ANKRD55: variants seen among roughly 807,000 people sequenced by gnomAD.
ANKRD55 encodes ankyrin repeat domain-containing protein 55.
In ANKRD55, 41 loss-of-function variants were observed where a neutral mutation model predicts 60.6. The observed-to-expected ratio is 0.68, with a 90% CI of 0.53 to 0.88. ANKRD55 has a LOEUF of 0.88. ANKRD55 is among the 40% of genes least tolerant of loss of function. The probability of loss-of-function intolerance (pLI) is 0.00; values close to 1 mark genes in which losing one functional copy is unlikely to be tolerated. For missense variants in ANKRD55, 732 were observed against 767.6 expected (o/e 0.95, Z 0.55); for synonymous variants, 264 against 290.3 (o/e 0.91, Z 0.92).
chr5:56,190,279 C>CT (rs778103627), intron 2 of ANKRD55, among the ~76,000 whole-genome samples: 2 of 152,072 alleles, frequency 1.3e-5, no homozygotes, highest in Non-Finnish European at 2.9e-5. Context: ...TGTGGGTTGC[C>CT]TTTTCATTCT....
intron 7 of ANKRD55, among the ~76,000 whole-genome samples, chr5:56,135,306 T>C: frequency 8.8e-5 from 1 of 11,336 alleles, no homozygotes. Context: ...TTTCTTTCTT[T>C]CTTTCTTTCT....
At chr5:56,199,665 C>T (rs1018248347) in intron 2 of ANKRD55, among the ~76,000 whole-genome samples, 6 of 149,308 alleles carry the variant, frequency 4.0e-5, no homozygotes, top group African/African-American at 1.0e-4. Context: ...CCGAGGTGGG[C>T]GGATCACAAG....
chr5:56,190,503 T>C (rs1012851483), intron 2 of ANKRD55, among the ~76,000 whole-genome samples: 5 of 152,326 alleles, frequency 3.3e-5, no homozygotes, highest in Admixed American at 6.5e-5. Flanking sequence ...CTTTTATATA[T>C]GGTGTAAAGT....
intron 2 of ANKRD55, among the ~76,000 whole-genome samples, chr5:56,189,730 G>A (rs189872971): frequency 1.1e-4 from 16 of 152,234 alleles, no homozygotes; most frequent in African/African-American, 1.7e-4. Flanking sequence ...ACCTGTCAGT[G>A]GACACTTGCG....
intron 2 of ANKRD55, among the ~76,000 whole-genome samples, chr5:56,222,729 G>A (rs187776202): frequency 8.5e-5 from 13 of 152,278 alleles, no homozygotes; most frequent in Admixed American, 1.3e-4. Flanking sequence ...TAGCTGATTC[G>A]ATCAACTGGA....
chr5:56,164,584 C>T (rs1400280676), intron 5 of ANKRD55, among the ~76,000 whole-genome samples: 1 of 152,192 alleles, frequency 6.6e-6, no homozygotes, highest in Non-Finnish European at 1.5e-5. Flanking sequence ...TCAGAGAGCC[C>T]CGTGGCTGCT....
chr5:56,226,772 T>C (rs1441969849), intron 2 of ANKRD55, among the ~76,000 whole-genome samples: 1 of 151,992 alleles, frequency 6.6e-6, no homozygotes, highest in African/African-American at 2.4e-5. Context: ...GAAATGCAAA[T>C]CAAAACCACA....
intron 2 of ANKRD55, chr5:56,192,950 A>C: frequency 1.5e-6 from 1 of 684,000 alleles, no homozygotes; most frequent in East Asian, 3.3e-5. Flanking sequence ...TGTGGGATTG[A>C]AAACCAAAGC....
At chr5:56,117,339 A>G (rs1235201997) in intron 8 of ANKRD55, among the ~76,000 whole-genome samples, 2 of 152,094 alleles carry the variant, frequency 1.3e-5, no homozygotes, top group African/African-American at 4.8e-5. Flanking sequence ...TTAAAGTATA[A>G]GTGTTTTTCT....
At chr5:56,224,585 C>T (rs989191569) in intron 2 of ANKRD55, among the ~76,000 whole-genome samples, 4 of 151,896 alleles carry the variant, frequency 2.6e-5, no homozygotes, top group African/African-American at 4.8e-5. Flanking sequence ...ATTGATAGAC[C>T]ACTAGTAAGA....
intron 3 of ANKRD55, among the ~76,000 whole-genome samples, chr5:56,179,040 C>T (rs2111826428): frequency 6.6e-6 from 1 of 152,120 alleles, no homozygotes; most frequent in Admixed American, 6.5e-5. Flanking sequence ...ATTCCACTTC[C>T]AAGTTTATTT....
At chr5:56,189,639 T>C (rs1425940356) in intron 2 of ANKRD55, among the ~76,000 whole-genome samples, 1 of 152,250 alleles carries the variant, frequency 6.6e-6, no homozygotes, top group African/African-American at 2.4e-5. Flanking sequence ...ATCCATGTTG[T>C]AGAATGTGTC....
chr5:56,146,929 T>C (rs2111766929), intron 6 of ANKRD55: 1 of 152,278 alleles, frequency 6.6e-6, no homozygotes, highest in Middle Eastern at 3.4e-3. Flanking sequence ...AGTGCGAAAA[T>C]GTGGTTGTGA....
intron 2 of ANKRD55, among the ~76,000 whole-genome samples, chr5:56,199,073 C>G (rs1759297580): frequency 8.8e-6 from 1 of 113,286 alleles, no homozygotes; most frequent in Non-Finnish European, 1.8e-5. Flanking sequence ...GAGTGAGACT[C>G]TGTCTCAAAA....
chr5:56,170,938 A>G, intron 4 of ANKRD55, 135 bp from the exon 5 acceptor site: 1 of 726,080 alleles, frequency 1.4e-6, no homozygotes, highest in Non-Finnish European at 2.3e-6. Flanking sequence ...GTGGTTAAGA[A>G]CCACAACTCC....
intron 10 of ANKRD55, among the ~76,000 whole-genome samples, chr5:56,110,050 CA>C (rs61381724): frequency 0.41 from 58,479 of 144,108 alleles, 12,651 homozygotes; most frequent in African/African-American, 0.61. Flanking sequence ...GACTCCGTCT[CA>C]AAAAAAAAAA....
chr5:56,127,052 T>C lies in ANKRD55; in HGVS notation c.667A>G (p.Ile223Val), dbSNP rs372499783. 5 of 1,613,890 alleles carry C rather than the reference T, an allele frequency of 3.1e-6. No individual in the cohort carries two copies. The highest frequency in any genetic ancestry group is 4.2e-6 in the Non-Finnish European group (5 of 1,179,886). Residue 223 changes from isoleucine to valine, a missense_variant, in exon 8 of 12, where the codon ATA becomes GTA. Ile to Val is a conservative substitution (Grantham distance 29). Around this residue, in one of 3 missense-constraint regions of ANKRD55, gnomAD observed 597 missense variants for 607.5 expected, o/e 0.98. Coordinates refer to ENST00000341048, the MANE Select transcript of ANKRD55 (RefSeq NM_024669.3). Reference sequence around the variant, plus strand: ...CCACTCTCATCATCATAGTTGATTATGGACGGCCCCTGGTGATGGCTCAGA... The same window carrying C: ...CCACTCTCATCATCATAGTTGATTACGGACGGCCCCTGGTGATGGCTCAGA... ...IILSHHQGPS[I>V]INYDDESGKT...
intron 3 of ANKRD55, among the ~76,000 whole-genome samples, chr5:56,182,269 A>G (rs538685165): frequency 6.6e-6 from 1 of 152,096 alleles, no homozygotes. Context: ...CAATTTCCTA[A>G]TTATAGGGCT....
intron 3 of ANKRD55, among the ~76,000 whole-genome samples, chr5:56,179,942 A>C (rs560621129): frequency 1.2e-4 from 19 of 152,286 alleles, no homozygotes; most frequent in African/African-American, 4.1e-4. Flanking sequence ...ATACTGTCTT[A>C]GTCTGTTTTC....
Sources: gnomAD v4.1 joint callset for allele counts (sites outside exome capture counted in the v4.1 genomes callset) on GRCh38, gnomAD v4.1.1 for gene constraint, gnomAD v4.1.1 regional missense constraint, MANE v1.5 for transcripts, NCBI Gene and HGNC (gene_info 2026-07-23, HGNC 2026-07-21) for gene names.